Variants in TRPV4 observed in about 807,000 individuals in gnomAD.
TRPV4 encodes OSM9-like transient receptor potential channel 4.
TRPV4 carries 58 observed loss-of-function variants against 84.1 expected under a neutral mutation model. The ratio of observed to expected loss-of-function variants is 0.69; its 90% CI spans 0.56 to 0.86. The LOEUF is 0.86. Among genes scored for constraint, TRPV4 ranks in the 40% least tolerant of loss-of-function variants. The pLI is 0.00. For synonymous variants in TRPV4, 489 were observed against 500.9 expected (o/e 0.98, Z 0.32); for missense variants, 879 against 1,181.1 (o/e 0.74, Z 3.75).
chr12:109,798,980 C>T lies in TRPV4; in HGVS notation c.854-68G>A. ...CAGGGTGGGACTCTGCCTGCAGACACTCGGGGGACGGACACCGTGGCGCTC... is the reference window on the plus strand; with the variant it reads ...CAGGGTGGGACTCTGCCTGCAGACATTCGGGGGACGGACACCGTGGCGCTC... On this transcript the variant is annotated intron_variant, in intron 5 of 15. Transcript: ENST00000261740. The surrounding 1 kb of genome is among the most constrained non-coding windows in gnomAD (Gnocchi z 5.0). 6.8e-7 allele frequency: 1 copy of T among 1,476,042 alleles called. No individual in the cohort carries two copies. The highest frequency in any genetic ancestry group is 1.2e-5 in the South Asian group (1 of 82,200). The allele number at this position is 1,476,042 out of a possible 1,614,324, so 91.4% of individuals were successfully genotyped here.
intron 12 of TRPV4, among the ~76,000 whole-genome samples, chr12:109,790,074 C>T (rs574437458): frequency 2.0e-5 from 3 of 152,162 alleles, no homozygotes; most frequent in Non-Finnish European, 4.4e-5. Flanking sequence ...GTTGTTGAAC[C>T]CTTGACACTG....
Position 109,788,267 on chromosome 12 carries a change from C to T in TRPV4, c.2208+133G>A, listed in dbSNP as rs1253600760. ...CAGCAGCCTCTGATGCCCATTTTAC[C>T]GACAGAGAAGTGGAGGGAGAATGAG... On this transcript the variant is annotated intron_variant, in intron 13 of 15. Transcript: ENST00000261740. 15 of 902,700 alleles carry T rather than the reference C, an allele frequency of 1.7e-5. No homozygotes were observed. In the East Asian group the frequency reaches 1.9e-4, roughly 11 times the overall value. 55.9% of individuals were successfully genotyped at this position (902,700 alleles called of 1,614,324 possible).
chr12:109,827,887 G>GACACACAT (rs1222739009), intron 1 of TRPV4, among the ~76,000 whole-genome samples: 1 of 150,548 alleles, frequency 6.6e-6, no homozygotes, highest in Non-Finnish European at 1.5e-5. Flanking sequence ...TACACACACA[G>GACACACAT]ACACACATAC....
At chr12:109,818,243 G>T (rs1891945221) in intron 1 of TRPV4, among the ~76,000 whole-genome samples, 1 of 152,152 alleles carries the variant, frequency 6.6e-6, no homozygotes, top group African/African-American at 2.4e-5. Flanking sequence ...CCACCAGGAA[G>T]CTCGGCCACC....
rs1365313989 is a variant in TRPV4 at position 109,796,927 on chromosome 12, C to A, written c.1153-223G>T. On this transcript the variant is annotated intron_variant, in intron 6 of 15. Coordinates refer to ENST00000261740, the MANE Select transcript of TRPV4 (RefSeq NM_021625.5). This position sits in a 1 kb window ranked among gnomAD's most constrained non-coding sequence, Gnocchi z 4.2. ...TTCCAGAAGCCACTTAACCAGTCAG[C>A]TGGAGCCAGACAGAACCTGGATGAG... Among the ~76,000 whole-genome samples the A allele has an allele frequency of 6.6e-6, 1 of 152,208 alleles. No individual in the cohort carries two copies. The highest frequency in any genetic ancestry group is 6.5e-5 in the Admixed American group (1 of 15,286).
At chr12:109,806,264 G>A (rs780963163) in intron 3 of TRPV4, among the ~76,000 whole-genome samples, 12 of 151,522 alleles carry the variant, frequency 7.9e-5, no homozygotes, top group East Asian at 2.0e-4. Context: ...GTGCAATCTC[G>A]GCTCACTGCA....
At chr12:109,820,516 A>AT (rs1166251387) in intron 1 of TRPV4, among the ~76,000 whole-genome samples, 5,536 of 92,290 alleles carry the variant, frequency 0.06, 433 homozygotes, top group African/African-American at 0.14. Flanking sequence ...CAGCTGCCCT[A>AT]TTTTTTTTTT....
At chr12:109,785,998 G>C (rs916576043) in intron 14 of TRPV4, among the ~76,000 whole-genome samples, 1 of 152,092 alleles carries the variant, frequency 6.6e-6, no homozygotes, top group Non-Finnish European at 1.5e-5. Context: ...GAGCAACCCT[G>C]CCTCTAAAAA....
chr12:109,793,304 T>C lies in TRPV4; in HGVS notation c.1658+223A>G, dbSNP rs1040024457. 6.6e-6 allele frequency among the ~76,000 whole-genome samples: 1 copy of C among 152,214 alleles called. No homozygotes were observed. Among genetic ancestry groups the C allele is most frequent in the Non-Finnish European group, 1.5e-5 (1 of 68,028 alleles). On this transcript the variant is annotated intron_variant, in intron 10 of 15. Coordinates refer to ENST00000261740, the MANE Select transcript of TRPV4 (RefSeq NM_021625.5). The surrounding 1 kb of genome is among the most constrained non-coding windows in gnomAD (Gnocchi z 4.0). ...CATTCACCAGCATAAGAGGTTAAAATTATTTCTATCCATGTTGTATATGAT... is the reference window on the plus strand; with the variant it reads ...CATTCACCAGCATAAGAGGTTAAAACTATTTCTATCCATGTTGTATATGAT...
At chr12:109,803,944 CT>C (rs111444123) in intron 3 of TRPV4, among the ~76,000 whole-genome samples, 9,732 of 152,176 alleles carry the variant, frequency 0.064, 406 homozygotes, top group South Asian at 0.12. Flanking sequence ...GCATCGAATC[CT>C]TTTCCCATGA....
chr12:109,792,882 G>GTGTCTTCCCCTC, intron 10 of TRPV4, 65 bp from the exon 11 acceptor site: 1 of 1,566,896 alleles, frequency 6.4e-7, no homozygotes, highest in Non-Finnish European at 8.7e-7. Flanking sequence ...CTCTGGAGGG[G>GTGTCTTCCCCTC]AAGACACGCC....
At chr12:109,832,567 C>T (rs1327758536) in intron 1 of TRPV4, 1 of 152,390 alleles carries the variant, frequency 6.6e-6, no homozygotes, top group Non-Finnish European at 1.5e-5. Context: ...GGACAGGCCA[C>T]CTGGTGTGGT....
At chr12:109,816,524 C>A (rs1006137039) in intron 1 of TRPV4, among the ~76,000 whole-genome samples, 3 of 152,100 alleles carry the variant, frequency 2.0e-5, no homozygotes, top group African/African-American at 7.2e-5. Flanking sequence ...ACGCCTGTAA[C>A]CCCAGCACTT....
At chr12:109,830,651 G>C (rs1310097798) in intron 1 of TRPV4, among the ~76,000 whole-genome samples, 2 of 152,174 alleles carry the variant, frequency 1.3e-5, no homozygotes, top group Admixed American at 6.5e-5. Context: ...GCTGTTACCT[G>C]GGTCCCTATA....
intron 1 of TRPV4, among the ~76,000 whole-genome samples, chr12:109,830,100 G>A (rs999889044): frequency 1.3e-5 from 2 of 152,208 alleles, no homozygotes; most frequent in Non-Finnish European, 2.9e-5. Context: ...ACAGGTGTGG[G>A]CCACTGCACC....
chr12:109,807,099 C>T (rs759863459), intron 3 of TRPV4, among the ~76,000 whole-genome samples: 2 of 151,742 alleles, frequency 1.3e-5, no homozygotes, highest in Non-Finnish European at 2.9e-5. Flanking sequence ...CAACATGGAG[C>T]GACCCCGTCT....
chr12:109,826,774 G>C (rs989187625), intron 1 of TRPV4, among the ~76,000 whole-genome samples: 1 of 152,128 alleles, frequency 6.6e-6, no homozygotes, highest in Non-Finnish European at 1.5e-5. Context: ...GGCCCCAGAC[G>C]GATCACTTGA....
Position 109,793,349 on chromosome 12 carries a change from T to C in TRPV4, c.1658+178A>G, listed in dbSNP as rs182637663. On this transcript the variant is annotated intron_variant, in intron 10 of 15. Coordinates refer to ENST00000261740, the MANE Select transcript of TRPV4 (RefSeq NM_021625.5). The surrounding 1 kb of genome is among the most constrained non-coding windows in gnomAD (Gnocchi z 4.0). Reference sequence around the variant, plus strand: ...TATGATAACTCCCTAGCAATCAGAATTTTTCTTGAACCAGAAGACCCTATT... The same window carrying C: ...TATGATAACTCCCTAGCAATCAGAACTTTTCTTGAACCAGAAGACCCTATT... The C allele has an allele frequency of 8.9e-4, 583 of 655,814 alleles. No homozygotes were observed. Among genetic ancestry groups the C allele is most frequent in the Non-Finnish European group, 1.3e-3 (483 of 359,252 alleles). 40.6% of individuals were successfully genotyped at this position (655,814 alleles called of 1,614,324 possible).
At chr12:109,809,419 C>T (rs1240437406) in intron 2 of TRPV4, among the ~76,000 whole-genome samples, 3 of 147,258 alleles carry the variant, frequency 2.0e-5, no homozygotes, top group African/African-American at 7.5e-5. Context: ...CCATCCATCC[C>T]TCACTGATCC....
Sources: allele counts gnomAD v4.1 joint callset (sites outside exome capture counted in the v4.1 genomes callset), GRCh38; gene constraint gnomAD v4.1.1; non-coding constraint Gnocchi (gnomAD v3.1); transcripts MANE v1.5; gene names NCBI Gene and HGNC (gene_info 2026-07-23, HGNC 2026-07-21).